PARN: variants seen among roughly 807,000 people sequenced by gnomAD.
The protein encoded by PARN is poly(A)-specific ribonuclease PARN.
PARN carries 71 observed loss-of-function variants against 102.8 expected under a neutral mutation model. The ratio of observed to expected loss-of-function variants is 0.69; its 90% CI spans 0.57 to 0.84. The LOEUF (loss-of-function observed/expected upper bound fraction) is 0.84. Among genes scored for constraint, PARN ranks in the 40% least tolerant of loss-of-function variants. The probability of loss-of-function intolerance (pLI) is 0.00; values close to 1 mark genes in which losing one functional copy is unlikely to be tolerated. For missense variants in PARN, 782 were observed against 760.9 expected (o/e 1.03, Z -0.33); for synonymous variants, 261 against 252.9 (o/e 1.03, Z -0.30).
chr16:14,527,898 A>C (rs1966092987), intron 21 of PARN, among the ~76,000 whole-genome samples: 1 of 152,256 alleles, frequency 6.6e-6, no homozygotes, highest in South Asian at 2.1e-4. Flanking sequence ...CCAAGAGCAG[A>C]AACTGGAAGG....
chr16:14,593,444 A>G (rs1970316386), intron 12 of PARN, 66 bp from the exon 13 acceptor site: 2 of 483,550 alleles, frequency 4.1e-6, no homozygotes, highest in South Asian at 3.4e-5. Context: ...TTCAGAATGT[A>G]TAGTTCAGAT....
chr16:14,455,033 A>T (rs994592389), intron 22 of PARN, among the ~76,000 whole-genome samples: 49 of 152,400 alleles, frequency 3.2e-4, no homozygotes, highest in African/African-American at 1.1e-3. Flanking sequence ...TTAAAAACAC[A>T]GTAGCACCAA....
At chr16:14,622,653 C>T (rs962044053) in intron 5 of PARN, among the ~76,000 whole-genome samples, 3 of 152,190 alleles carry the variant, frequency 2.0e-5, no homozygotes, top group Admixed American at 1.3e-4. Flanking sequence ...TACAGGCGCC[C>T]GCCCCCACGC....
intron 18 of PARN, among the ~76,000 whole-genome samples, chr16:14,563,522 G>GTGTGTATATATATA (rs1423811963): frequency 2.7e-5 from 4 of 149,266 alleles, no homozygotes; most frequent in Admixed American, 6.7e-5. Flanking sequence ...GTGTGTGTGT[G>GTGTGTATATATATA]TATATAATTC....
chr16:14,509,477 G>C (rs1165880412), intron 21 of PARN, among the ~76,000 whole-genome samples: 1 of 152,118 alleles, frequency 6.6e-6, no homozygotes, highest in Non-Finnish European at 1.5e-5. Context: ...AATTTTTATT[G>C]AAATGGTAAA....
intron 22 of PARN, among the ~76,000 whole-genome samples, chr16:14,474,877 G>C (rs1266193941): frequency 6.6e-6 from 1 of 152,236 alleles, no homozygotes; most frequent in Non-Finnish European, 1.5e-5. Flanking sequence ...ATGGGTCCTG[G>C]AATATGATCT....
At position 14,610,630 on chromosome 16, in the gene PARN, A is replaced by C; in HGVS notation, c.554+14T>G. 6.4e-7 allele frequency: 1 copy of C among 1,558,708 alleles called. No individual in the cohort carries two copies. On this transcript the variant is annotated intron_variant, in intron 7 of 23. Transcript: ENST00000437198. Reference sequence around the variant, plus strand: ...AGCACACAATGCACGCTTAGTTTTAATTTAGGAACTTACACCACTTGGTCA... The same window carrying C: ...AGCACACAATGCACGCTTAGTTTTACTTTAGGAACTTACACCACTTGGTCA...
At chr16:14,603,999 A>C in intron 11 of PARN, 147 bp downstream of exon 11, 2 of 685,626 alleles carry the variant, frequency 2.9e-6, no homozygotes, top group Non-Finnish European at 5.2e-6. Flanking sequence ...CCCTTATTCT[A>C]GTCCAGGTTT....
intron 13 of PARN, among the ~76,000 whole-genome samples, chr16:14,592,826 G>A (rs1193418721): frequency 2.0e-5 from 3 of 152,168 alleles, no homozygotes; most frequent in African/African-American, 7.2e-5. Context: ...CAATGGCAGT[G>A]ACTGAAGATC....
intron 21 of PARN, among the ~76,000 whole-genome samples, chr16:14,549,951 T>C (rs1427586050): frequency 1.3e-5 from 2 of 152,216 alleles, no homozygotes; most frequent in African/African-American, 4.8e-5. Flanking sequence ...TGACAAGTGG[T>C]GGAGCCAAAG....
rs906489707 is a variant in PARN, at chr16:14,477,529, G to A, written c.1670+5109C>T. Among the ~76,000 whole-genome samples the A allele has an allele frequency of 2.0e-5, 3 of 151,932 alleles. 1 individual carries two copies. The South Asian group carries it at 6.2e-4, about 32-fold the overall frequency. ...GCGATGGCTCACAGCTGTAATCCCA[G>A]CACTTTGGGAGGCCAAGGCGGGTGG... On this transcript the variant is annotated intron_variant, in intron 22 of 23. Coordinates refer to ENST00000437198, the MANE Select transcript of PARN (RefSeq NM_002582.4).
chr16:14,454,151 T>G (rs1016148444), intron 22 of PARN, among the ~76,000 whole-genome samples: 6 of 152,202 alleles, frequency 3.9e-5, no homozygotes, highest in Non-Finnish European at 8.8e-5. Flanking sequence ...ACAACTATTT[T>G]GTATGTAGAT....
chr16:14,483,789 T>C (rs1277017321), intron 21 of PARN, among the ~76,000 whole-genome samples: 5 of 152,212 alleles, frequency 3.3e-5, no homozygotes, highest in African/African-American at 7.2e-5. Flanking sequence ...GGGCTTAATT[T>C]TGCCTTCTCT....
chr16:14,617,707 G>C (rs978284689), intron 5 of PARN, 57 bp from the exon 6 acceptor site: 1 of 990,508 alleles, frequency 1.0e-6, no homozygotes, highest in African/African-American at 1.6e-5. Context: ...GGAATATAAA[G>C]AGATGCAGAG....
intron 12 of PARN, among the ~76,000 whole-genome samples, chr16:14,597,085 C>A (rs1215914343): frequency 2.0e-5 from 3 of 152,092 alleles, no homozygotes; most frequent in Non-Finnish European, 4.4e-5. Context: ...CCATGCCCAG[C>A]CCATTTTTTT....
At chr16:14,512,670 A>G (rs1390760707) in intron 21 of PARN, among the ~76,000 whole-genome samples, 2 of 152,258 alleles carry the variant, frequency 1.3e-5, no homozygotes, top group African/African-American at 2.4e-5. Context: ...GAAACCTTTG[A>G]TAAGAAATCA....
At chr16:14,485,575 G>A (rs1481793645) in intron 21 of PARN, among the ~76,000 whole-genome samples, 1 of 151,958 alleles carries the variant, frequency 6.6e-6, no homozygotes, top group Non-Finnish European at 1.5e-5. Context: ...GGACATATGA[G>A]AACCCATTGG....
intron 16 of PARN, among the ~76,000 whole-genome samples, chr16:14,584,113 T>C (rs576460966): frequency 1.3e-5 from 2 of 152,336 alleles, no homozygotes; most frequent in Admixed American, 1.3e-4. Context: ...GAAGCTTTAA[T>C]TGCTAAAATT....
intron 22 of PARN, among the ~76,000 whole-genome samples, chr16:14,477,283 T>C (rs1963107991): frequency 6.6e-6 from 1 of 150,468 alleles, no homozygotes; most frequent in Non-Finnish European, 1.5e-5. Flanking sequence ...CTACTAAAAA[T>C]GCAAAAATTT....
Sources: gnomAD v4.1 joint callset for allele counts (sites outside exome capture counted in the v4.1 genomes callset) on GRCh38, gnomAD v4.1.1 for gene constraint, MANE v1.5 for transcripts, NCBI Gene and HGNC (gene_info 2026-07-23, HGNC 2026-07-21) for gene names.